Variants in BRPF1 observed in about 807,000 individuals in gnomAD.
BRPF1 encodes peregrin.
BRPF1 carries 15 observed loss-of-function variants against 115.0 expected under a neutral mutation model. That is an observed-to-expected ratio of 0.13 (90% confidence interval 0.09 to 0.20). The LOEUF (loss-of-function observed/expected upper bound fraction) is 0.20. Among genes scored for constraint, BRPF1 ranks in the 10% least tolerant of loss-of-function variants. The probability of loss-of-function intolerance (pLI) is 1.00; values close to 1 mark genes in which losing one functional copy is unlikely to be tolerated. For synonymous variants in BRPF1, 647 were observed against 619.8 expected, an observed-to-expected ratio of 1.04 and a Z score of -0.65; for missense variants, 1,118 against 1,638.3, an observed-to-expected ratio of 0.68 and a Z score of 5.48.
Position 9,747,461 on chromosome 3 carries a change from C to A in BRPF1, c.*112C>A. The A allele has an allele frequency of 7.3e-7, 1 of 1,371,256 alleles. No homozygotes were observed. The highest frequency in any genetic ancestry group is 1.0e-6 in the Non-Finnish European group (1 of 996,174). The allele number at this position is 1,371,256 out of a possible 1,614,324, so 84.9% of individuals were successfully genotyped here. ...ACTGACTCATTTCTGGTCTTGGGGC[C>A]AGTCTCAGGGGAAGCTGGGTGGGGG... On this transcript the variant is annotated 3_prime_UTR_variant, in exon 14 of 14. Transcript: ENST00000383829. This position sits in a 1 kb window ranked among gnomAD's most constrained non-coding sequence, Gnocchi z 5.6.
chr3:9,746,938 T>G (rs1376211651), intron 13 of BRPF1, among the ~76,000 whole-genome samples: 1 of 152,140 alleles, frequency 6.6e-6, no homozygotes, highest in African/African-American at 2.4e-5. Flanking sequence ...GGGTGCCTCC[T>G]TTTTGTACCC....
At position 9,739,133 on chromosome 3, in the gene BRPF1, T is replaced by C. The variant is rs1431380563; in HGVS notation, c.734T>C (p.Phe245Ser). Residue 245 changes from phenylalanine to serine, a missense_variant, in exon 3 of 14, where the codon TTT (phenylalanine) becomes TCT (serine). By Grantham distance (155) the Phe-to-Ser change is radical. This residue lies in a region of BRPF1 where 280 missense variants were observed against 382.8 expected (regional missense o/e 0.73). Coordinates refer to ENST00000383829, the MANE Select transcript of BRPF1 (RefSeq NM_001003694.2). The part of the protein sequence containing the change: ...EGVSPIPQEI[F>S]EYLMDRLEKE... ...GTAAGTCCCATCCCGCAGGAGATCT[T>C]TGAGTACCTAATGGACCGACTGGAG... 1.2e-6 allele frequency: 2 copies of C among 1,613,866 alleles called. No homozygotes were observed. The highest frequency in any genetic ancestry group is 1.3e-5 in the African/African-American group (1 of 74,892).
In BRPF1 at chr3:9,744,408, C is replaced by T; in HGVS notation, c.2820C>T (p.Pro940=). 1 of 1,611,742 alleles carries T rather than the reference C, an allele frequency of 6.2e-7. No individual in the cohort carries two copies. The highest frequency in any genetic ancestry group is 8.5e-7 in the Non-Finnish European group (1 of 1,178,976). Residue 940 remains proline, a synonymous_variant, in exon 9 of 14, where the codon CCC becomes CCT. Coordinates refer to ENST00000383829, the MANE Select transcript of BRPF1 (RefSeq NM_001003694.2). ...GTCCTGTGGGGCCCCCCCAGCTCCC[C>T]ATCATGAGTTCCCTGCGTCAGCGCA... ...GGSPVGPPQL[P]IMSSLRQRKR...
Position 9,747,611 on chromosome 3 carries a change from G to A in BRPF1, c.*262G>A. 1 of 382,488 alleles carries A rather than the reference G, an allele frequency of 2.6e-6. No individual in the cohort carries two copies. 23.7% of individuals were successfully genotyped at this position (382,488 alleles called of 1,614,324 possible). The stretch of plus-strand genomic sequence containing the variant: ...GCTCCAGAGACCTCACAGCATTGTA[G>A]GGCGGGGTGGTGGGCCAAAGTTAGG... On this transcript the variant is annotated 3_prime_UTR_variant, in exon 14 of 14. Coordinates refer to ENST00000383829, the MANE Select transcript of BRPF1 (RefSeq NM_001003694.2). This position sits in a 1 kb window ranked among gnomAD's most constrained non-coding sequence, Gnocchi z 5.6.
Position 9,743,442 on chromosome 3 carries a change from C to A in BRPF1, c.2312-136C>A. The A allele has an allele frequency of 1.6e-6, 2 of 1,222,192 alleles. No individual in the cohort carries two copies. The highest frequency in any genetic ancestry group is 2.3e-6 in the Non-Finnish European group (2 of 875,870). The allele number at this position is 1,222,192 out of a possible 1,614,324, so 75.7% of individuals were successfully genotyped here. The stretch of plus-strand genomic sequence containing the variant: ...GATAGCAGTGCCCGCCATTCCACAT[C>A]TTGGTGCTGCTATTTTACAGCTGTT... On this transcript the variant is annotated intron_variant, in intron 7 of 13. Transcript: ENST00000383829. The surrounding 1 kb of genome is among the most constrained non-coding windows in gnomAD (Gnocchi z 6.1).
intron 2 of BRPF1, among the ~76,000 whole-genome samples, chr3:9,735,142 G>C (rs2076919261): frequency 6.6e-6 from 1 of 150,966 alleles, no homozygotes. Flanking sequence ...CTCCTGAGTA[G>C]CTGCAACTAC....
At position 9,743,149 on chromosome 3, in the gene BRPF1, G is replaced by A. The variant is rs760440650; in HGVS notation, c.2207G>A (p.Arg736His). The A allele has an allele frequency of 1.5e-5, 24 of 1,614,224 alleles. No homozygotes were observed. The highest frequency in any genetic ancestry group is 1.8e-5 in the Non-Finnish European group (21 of 1,180,038). The stretch of plus-strand genomic sequence containing the variant: ...CGTGAGCAGGGTGGTGCTGTGCTCC[G>A]CCAGGCCCGGCGCCAGGCAGAAAAA... ...RLREQGGAVLRQARRQAEKMG... is the reference protein window; with the variant it reads ...RLREQGGAVLHQARRQAEKMG... Residue 736 changes from arginine (R) to histidine (H), a missense_variant, in exon 7 of 14, where the codon CGC (arginine) becomes CAC (histidine). Transcript: ENST00000383829. This position sits in a 1 kb window ranked among gnomAD's most constrained non-coding sequence, Gnocchi z 6.1.
In BRPF1 at chr3:9,734,541, G is replaced by C. The variant is rs780874138; in HGVS notation, c.401G>C (p.Ser134Thr). 6.2e-7 allele frequency: 1 copy of C among 1,614,152 alleles called. No homozygotes were observed. Among genetic ancestry groups the C allele is most frequent in the Non-Finnish European group, 8.5e-7 (1 of 1,180,018 alleles). The part of the protein sequence containing the change: ...EAPEEAPENG[S>T]NKENTETPAA... ...CCCGAGGAGGCCCCTGAGAATGGCA[G>C]CAACAAGGAGAACACTGAGACACCA... Residue 134 changes from serine (S) to threonine (T), a missense_variant, in exon 2 of 14, where the codon AGC (serine) becomes ACC (threonine). Transcript: ENST00000383829. This position sits in a 1 kb window ranked among gnomAD's most constrained non-coding sequence, Gnocchi z 5.7.
chr3:9,747,051 A>G lies in BRPF1; in HGVS notation c.3480-115A>G, dbSNP rs1575170017. 7.9e-6 allele frequency: 9 copies of G among 1,145,936 alleles called. No homozygotes were observed. In the East Asian group the frequency reaches 2.1e-4, roughly 27 times the overall value. The allele number at this position is 1,145,936 out of a possible 1,614,324, so 71.0% of individuals were successfully genotyped here. On this transcript the variant is annotated intron_variant, in intron 13 of 13. Transcript: ENST00000383829. The surrounding 1 kb of genome is among the most constrained non-coding windows in gnomAD (Gnocchi z 5.6). ...GAACAGTCCTTTGAGGGCAGGGACC[A>G]TCACAGAGTCTGGCCAGAGTGGGTG...
intron 2 of BRPF1, among the ~76,000 whole-genome samples, chr3:9,737,756 C>T (rs929218309): frequency 7.2e-5 from 11 of 152,186 alleles, no homozygotes; most frequent in Non-Finnish European, 1.3e-4. Context: ...GCATTTTACA[C>T]CAAGGTGCTC....
intron 4 of BRPF1, 150 bp from the exon 5 acceptor site, chr3:9,741,158 C>G: frequency 9.2e-7 from 1 of 1,092,164 alleles, no homozygotes; most frequent in Non-Finnish European, 1.3e-6. Flanking sequence ...TTTATTCTGC[C>G]AGGCCTTGGG....
intron 8 of BRPF1, 142 bp from the exon 9 acceptor site, chr3:9,744,082 C>T (rs1016591796): frequency 7.7e-7 from 1 of 1,298,784 alleles, no homozygotes; most frequent in African/African-American, 1.5e-5. Flanking sequence ...AAGAGTTAAT[C>T]TTCCAAATTC....
intron 4 of BRPF1, 50 bp downstream of exon 4, chr3:9,740,991 G>A (rs572308400): frequency 1.0e-4 from 160 of 1,561,840 alleles, no homozygotes; most frequent in East Asian, 4.9e-4. Flanking sequence ...CCAGGGGGAC[G>A]AAAACCAAAA....
rs773694880 is a variant in BRPF1 at position 9,739,536 on chromosome 3, A to G, written c.1137A>G (p.Pro379=). The G allele has an allele frequency of 6.2e-6, 10 of 1,613,372 alleles. No individual in the cohort carries two copies. The East Asian group carries it at 2.2e-4, about 36-fold the overall frequency. ...TTGACAGCATTGAGCACATCCCACCAGCTCGCTGGAAGCTCACCTGCTACA... is the reference window on the plus strand; with the variant it reads ...TTGACAGCATTGAGCACATCCCACCGGCTCGCTGGAAGCTCACCTGCTACA... The part of the protein sequence containing the change: ...EPIDSIEHIP[P]ARWKLTCYIC... Residue 379 remains proline (P), a synonymous_variant, in exon 3 of 14, where the codon CCA becomes CCG. Coordinates refer to ENST00000383829, the MANE Select transcript of BRPF1 (RefSeq NM_001003694.2).
At position 9,743,382 on chromosome 3, in the gene BRPF1, A is replaced by T; in HGVS notation, c.2311+129A>T. 1 of 1,329,352 alleles carries T rather than the reference A, an allele frequency of 7.5e-7. No homozygotes were observed. Among genetic ancestry groups the T allele is most frequent in the Non-Finnish European group, 1.0e-6 (1 of 982,074 alleles). The allele number at this position is 1,329,352 out of a possible 1,614,324, so 82.3% of individuals were successfully genotyped here. On this transcript the variant is annotated intron_variant, in intron 7 of 13. Coordinates refer to ENST00000383829, the MANE Select transcript of BRPF1 (RefSeq NM_001003694.2). This position sits in a 1 kb window ranked among gnomAD's most constrained non-coding sequence, Gnocchi z 6.1. ...GGCTGAGCAGTGGCAAGCTATCCCCAGGAATGCTCCCCAAGAAGCCAGACT... is the reference window on the plus strand; with the variant it reads ...GGCTGAGCAGTGGCAAGCTATCCCCTGGAATGCTCCCCAAGAAGCCAGACT...
In BRPF1 at chr3:9,743,422, C is replaced by G; in HGVS notation, c.2312-156C>G. 8.5e-7 allele frequency: 1 copy of G among 1,179,414 alleles called. No individual in the cohort carries two copies. Among genetic ancestry groups the G allele is most frequent in the Non-Finnish European group, 1.2e-6 (1 of 845,084 alleles). 73.1% of individuals were successfully genotyped at this position (1,179,414 alleles called of 1,614,324 possible). ...GAAGCCAGACTGGGTGAATGGATAG[C>G]AGTGCCCGCCATTCCACATCTTGGT... On this transcript the variant is annotated intron_variant, in intron 7 of 13. Transcript: ENST00000383829. This position sits in a 1 kb window ranked among gnomAD's most constrained non-coding sequence, Gnocchi z 6.1.
At chr3:9,742,410 A>G (rs1225952479) in intron 6 of BRPF1, 2 of 985,408 alleles carry the variant, frequency 2.0e-6, no homozygotes, top group South Asian at 4.7e-5. Context: ...GAGTCTGCCA[A>G]ATGAATAATC....
chr3:9,737,709 G>A (rs114445681), intron 2 of BRPF1, among the ~76,000 whole-genome samples: 2,150 of 152,312 alleles, frequency 0.014, 15 homozygotes, highest in Non-Finnish European at 0.022. Context: ...ATTTGCACAC[G>A]TCTGTATGTG....
At chr3:9,746,044 T>C in intron 12 of BRPF1, 114 bp downstream of exon 12, 2 of 1,264,668 alleles carry the variant, frequency 1.6e-6, no homozygotes, top group Non-Finnish European at 2.2e-6. Flanking sequence ...CTTGGTAAGG[T>C]AGACTGGTGG....
Sources: allele counts gnomAD v4.1 joint callset (sites outside exome capture counted in the v4.1 genomes callset), GRCh38; gene constraint gnomAD v4.1.1; regional missense constraint gnomAD v4.1.1; non-coding constraint Gnocchi (gnomAD v3.1); transcripts MANE v1.5; gene names NCBI Gene and HGNC (gene_info 2026-07-23, HGNC 2026-07-21).